NFIA: variants seen among roughly 807,000 people sequenced by gnomAD.
NFIA encodes nuclear factor I A.
In NFIA, 8 loss-of-function variants were observed where a neutral mutation model predicts 62.8. The observed-to-expected ratio is 0.13, with a 90% CI of 0.07 to 0.23. The LOEUF is 0.23. Ranked by LOEUF, NFIA falls within the 10% of genes least tolerant of loss-of-function variation. NFIA has a pLI of 1.00. For missense variants in NFIA, 410 were observed against 642.1 expected (o/e 0.64, Z 3.91); for synonymous variants, 235 against 238.1 (o/e 0.99, Z 0.12).
intron 7 of NFIA, among the ~76,000 whole-genome samples, chr1:61,390,993 A>G (rs1366029120): frequency 6.6e-6 from 1 of 152,214 alleles, no homozygotes; most frequent in African/African-American, 2.4e-5. Context: ...CAGCACGTAG[A>G]AAGAGGCATG....
At chr1:61,372,339 A>G (rs755194438) in intron 6 of NFIA, among the ~76,000 whole-genome samples, 19 of 152,158 alleles carry the variant, frequency 1.2e-4, no homozygotes, top group Non-Finnish European at 2.5e-4. Flanking sequence ...TTAATAAAAT[A>G]TTTCTAAGAT....
At chr1:61,407,375 C>T (rs1665894317) in intron 9 of NFIA, among the ~76,000 whole-genome samples, 1 of 152,076 alleles carries the variant, frequency 6.6e-6, no homozygotes, top group African/African-American at 2.4e-5. Flanking sequence ...AGTCTGAGAA[C>T]ATTTAATCAA....
intron 2 of NFIA, among the ~76,000 whole-genome samples, chr1:61,261,040 A>G (rs752913118): frequency 1.8e-4 from 27 of 152,184 alleles, no homozygotes; most frequent in Non-Finnish European, 3.5e-4. Context: ...AGGACCTACA[A>G]TTCTTAGGAA....
At chr1:61,112,452 C>A (rs974956248) in intron 2 of NFIA, among the ~76,000 whole-genome samples, 1 of 152,088 alleles carries the variant, frequency 6.6e-6, no homozygotes, top group Non-Finnish European at 1.5e-5. Context: ...TAAGTGTGTG[C>A]ATTTGCACAC....
At chr1:61,419,370 C>G (rs1666500390) in intron 9 of NFIA, among the ~76,000 whole-genome samples, 1 of 152,082 alleles carries the variant, frequency 6.6e-6, no homozygotes, top group African/African-American at 2.4e-5. Flanking sequence ...AGATCACTTG[C>G]TGCAATGAGC....
At chr1:61,257,828 G>A (rs1375857410) in intron 2 of NFIA, among the ~76,000 whole-genome samples, 1 of 149,392 alleles carries the variant, frequency 6.7e-6, no homozygotes, top group Non-Finnish European at 1.5e-5. Flanking sequence ...TCTCATCTCA[G>A]CCTCCTGAGT....
At chr1:61,166,734 C>T (rs1258145892) in intron 2 of NFIA, among the ~76,000 whole-genome samples, 1 of 152,128 alleles carries the variant, frequency 6.6e-6, no homozygotes, top group Non-Finnish European at 1.5e-5. Flanking sequence ...GGAGTATAGG[C>T]TCTCTCAGCA....
chr1:61,077,852 CTT>C (rs1179358669), upstream of NFIA, among the ~76,000 whole-genome samples: 4 of 113,460 alleles, frequency 3.5e-5, no homozygotes, highest in Non-Finnish European at 5.8e-5. Context: ...TTTTCTTTTT[CTT>C]TTTTTTTTTT....
intron 2 of NFIA, among the ~76,000 whole-genome samples, chr1:61,256,500 C>T (rs1015120810): frequency 1.3e-5 from 2 of 150,964 alleles, no homozygotes; most frequent in Non-Finnish European, 2.9e-5. Flanking sequence ...TGTGTTGGGC[C>T]GTGTTCAAAG....
intron 2 of NFIA, among the ~76,000 whole-genome samples, chr1:61,199,723 A>G (rs1429979603): frequency 2.0e-5 from 3 of 151,908 alleles, no homozygotes; most frequent in Admixed American, 1.3e-4. Context: ...GGCCAAGTAC[A>G]GTGGCTCATG....
At chr1:61,311,923 A>C (rs964143441) in intron 3 of NFIA, among the ~76,000 whole-genome samples, 1 of 152,320 alleles carries the variant, frequency 6.6e-6, no homozygotes, top group East Asian at 1.9e-4. Context: ...CCAGTGGTGA[A>C]GAGCCCTTTG....
chr1:61,277,895 T>A (rs1451960502), intron 3 of NFIA, among the ~76,000 whole-genome samples: 1 of 152,188 alleles, frequency 6.6e-6, no homozygotes, highest in African/African-American at 2.4e-5. Context: ...GATTTTTTTT[T>A]AATAGCATTA....
At position 61,455,364 on chromosome 1, in the gene NFIA, C is replaced by A. The variant is rs115703395; in HGVS notation, c.*44C>A. The A allele has an allele frequency of 2.5e-6, 4 of 1,614,158 alleles. No individual in the cohort carries two copies. In the East Asian group the frequency reaches 8.9e-5, roughly 36 times the overall value. On this transcript the variant is annotated 3_prime_UTR_variant, in exon 11 of 11. Coordinates refer to ENST00000403491, the MANE Select transcript of NFIA (RefSeq NM_001134673.4). ...ATCCACCAGACAGACCACCTGACCC[C>A]TTCTCAACTCTGTAACATGGACGCA...
chr1:61,109,511 CT>C (rs1220350406), intron 2 of NFIA, among the ~76,000 whole-genome samples: 1 of 150,798 alleles, frequency 6.6e-6, no homozygotes, highest in Non-Finnish European at 1.5e-5. Context: ...TTGGTGTGTT[CT>C]TTATTTTATT....
At chr1:61,132,199 G>T (rs536667158) in intron 2 of NFIA, among the ~76,000 whole-genome samples, 1 of 152,236 alleles carries the variant, frequency 6.6e-6, no homozygotes, top group South Asian at 2.1e-4. Context: ...CCTCAGAAAA[G>T]TTATCTGAGA....
At chr1:61,395,538 C>T (rs1313204844) in intron 7 of NFIA, among the ~76,000 whole-genome samples, 1 of 152,058 alleles carries the variant, frequency 6.6e-6, no homozygotes, top group Non-Finnish European at 1.5e-5. Context: ...GTTTTTCATT[C>T]TTCATTTAGT....
At chr1:61,432,136 C>T (rs961848444) in intron 10 of NFIA, among the ~76,000 whole-genome samples, 3 of 151,786 alleles carry the variant, frequency 2.0e-5, no homozygotes, top group African/African-American at 7.3e-5. Context: ...AGAGTGGAAG[C>T]AGCAGAAGAG....
At chr1:61,131,530 C>T (rs1329794888) in intron 2 of NFIA, among the ~76,000 whole-genome samples, 3 of 152,088 alleles carry the variant, frequency 2.0e-5, no homozygotes, top group Non-Finnish European at 4.4e-5. Context: ...CATATTTTAG[C>T]ATGCTTGACA....
intron 2 of NFIA, among the ~76,000 whole-genome samples, chr1:61,154,353 G>A (rs2100526130): frequency 6.6e-6 from 1 of 152,218 alleles, no homozygotes; most frequent in African/African-American, 2.4e-5. Context: ...ACAGGGTTTT[G>A]TTGTGTTGGG....
Sources: gnomAD v4.1 joint callset for allele counts (sites outside exome capture counted in the v4.1 genomes callset) on GRCh38, gnomAD v4.1.1 for gene constraint, MANE v1.5 for transcripts, NCBI Gene and HGNC (gene_info 2026-07-23, HGNC 2026-07-21) for gene names.